The following PPP1R3G variants were observed in gnomAD, a reference collection of about 807,000 sequenced individuals.
PPP1R3G encodes the protein protein phosphatase 1 regulatory subunit 3G, also known as protein phosphatase 1, regulatory (inhibitor) subunit 3G.
A neutral mutation model predicts 2.0 loss-of-function variants in PPP1R3G; 3 were observed. The ratio of observed to expected loss-of-function variants is 1.47; its 90% CI spans 0.67 to 3.81. PPP1R3G has a LOEUF of 3.81. Among genes scored for constraint, PPP1R3G ranks in the 30% most tolerant of loss-of-function variants. The pLI is 0.02. For synonymous variants in PPP1R3G, 267 were observed against 250.9 expected (o/e 1.06, Z -0.61); for missense variants, 595 against 517.0 (o/e 1.15, Z -1.46).
At position 5,086,324 on chromosome 6, in the gene PPP1R3G, C is replaced by CA. The variant is rs1762018372; in HGVS notation, c.839_840insA (p.Ser281ValfsTer33). The CA allele has an allele frequency of 3.3e-6, 5 of 1,535,516 alleles. No homozygotes were observed. The highest frequency in any genetic ancestry group is 3.5e-6 in the Non-Finnish European group (4 of 1,146,714). Reference sequence around the variant, plus strand: ...CTGGAGCCACAGCAGCCAGAGGCACCGTCTGGGGCCTCCGAGCCAGGGTCC... The same window carrying CA: ...CTGGAGCCACAGCAGCCAGAGGCACCAGTCTGGGGCCTCCGAGCCAGGGTCC... On this transcript the variant is annotated frameshift_variant, in exon 1 of 1. Coordinates refer to ENST00000405617, the MANE Select transcript of PPP1R3G (RefSeq NM_001145115.3). LOFTEE classifies it low-confidence loss of function (END_TRUNC).
At position 5,085,641 on chromosome 6, in the gene PPP1R3G, T is replaced by C; in HGVS notation, c.156T>C (p.Ala52=). 6.5e-7 allele frequency: 1 copy of C among 1,548,704 alleles called. No homozygotes were observed. Among genetic ancestry groups the C allele is most frequent in the Admixed American group, 2.0e-5 (1 of 50,988 alleles). ...GGASETPSPD[A]QLGDRPLSPK... Reference sequence around the variant, plus strand: ...CTTCGGAGACCCCGAGTCCTGACGCTCAGCTAGGGGATAGGCCCCTGTCCC... The same window carrying C: ...CTTCGGAGACCCCGAGTCCTGACGCCCAGCTAGGGGATAGGCCCCTGTCCC... The change falls in exon 1 of 1, where the codon GCT becomes GCC. Residue 52 remains alanine, a synonymous_variant. Coordinates refer to ENST00000405617, the MANE Select transcript of PPP1R3G (RefSeq NM_001145115.3).
chr6:5,087,359 CCT>C lies in PPP1R3G; in HGVS notation c.*802_*803del, dbSNP rs1762066952. 6.6e-6 allele frequency: 1 copy of C among 152,272 alleles called. No homozygotes were observed. Among genetic ancestry groups the C allele is most frequent in the Admixed American group, 6.5e-5 (1 of 15,294 alleles). The allele number at this position is 152,272 out of a possible 1,614,324, so 9.4% of individuals were successfully genotyped here. On this transcript the variant is annotated 3_prime_UTR_variant, in exon 1 of 1. Transcript: ENST00000405617. ...TACAAATTCCTCCCCTTCGTTCCTT[CCT>C]CTCTACTGCGAAAGGGCCCAAACTT...
Position 5,085,855 on chromosome 6 carries a change from T to G in PPP1R3G, c.370T>G (p.Cys124Gly). 1 of 1,530,206 alleles carries G rather than the reference T, an allele frequency of 6.5e-7. No homozygotes were observed. Among genetic ancestry groups the G allele is most frequent in the Non-Finnish European group, 8.7e-7 (1 of 1,143,494 alleles). The allele number at this position is 1,530,206 out of a possible 1,614,324, so 94.8% of individuals were successfully genotyped here. ...AEDAQLGPGG[C>G]CAKCKKRVQF... ...GGACGCACAGCTCGGCCCGGGCGGCTGCTGCGCCAAGTGCAAGAAGCGGGT... is the reference window on the plus strand; with the variant it reads ...GGACGCACAGCTCGGCCCGGGCGGCGGCTGCGCCAAGTGCAAGAAGCGGGT... Residue 124 changes from cysteine to glycine, a missense_variant, in exon 1 of 1, where the codon TGC becomes GGC. Cys to Gly is a radical substitution (Grantham distance 159, BLOSUM62 -3). Transcript: ENST00000405617.
chr6:5,086,513 C>A lies in PPP1R3G; in HGVS notation c.1028C>A (p.Ala343Glu). The change falls in exon 1 of 1, where the codon GCG becomes GAG. Residue 343 changes from alanine (A) to glutamate (E), a missense_variant. Ala to Glu is a moderately radical substitution (Grantham distance 107, BLOSUM62 -1). Transcript: ENST00000405617. Reference protein sequence around the residue: ...CAQGEYWDNNAGANYTLRYAR... With the variant: ...CAQGEYWDNNEGANYTLRYAR... The stretch of plus-strand genomic sequence containing the variant: ...CAGGGCGAGTACTGGGACAACAACG[C>A]GGGCGCCAACTACACGCTGCGCTAC... 4 of 1,534,856 alleles carry A rather than the reference C, an allele frequency of 2.6e-6. No homozygotes were observed. The highest frequency in any genetic ancestry group is 3.5e-6 in the Non-Finnish European group (4 of 1,143,752).
Position 5,087,113 on chromosome 6 carries a change from C to G in PPP1R3G, c.*551C>G. The G allele has an allele frequency of 6.5e-6, 1 of 153,066 alleles. No homozygotes were observed. The highest frequency in any genetic ancestry group is 1.9e-4 in the East Asian group (1 of 5,182). 9.5% of individuals were successfully genotyped at this position (153,066 alleles called of 1,614,324 possible). On this transcript the variant is annotated 3_prime_UTR_variant, in exon 1 of 1. Coordinates refer to ENST00000405617, the MANE Select transcript of PPP1R3G (RefSeq NM_001145115.3). ...CCCTTCGGGGCTGGGCCAGGCCACC[C>G]TTTTCTTTTGACTGAGATGTGGGTA... is the stretch of plus-strand genomic sequence containing the variant.
At position 5,085,848 on chromosome 6, in the gene PPP1R3G, G is replaced by C. The variant is rs1172495549; in HGVS notation, c.363G>C (p.Pro121=). The stretch of plus-strand genomic sequence containing the variant: ...GGGCGGAGGACGCACAGCTCGGCCC[G>C]GGCGGCTGCTGCGCCAAGTGCAAGA... ...GEGAEDAQLG[P]GGCCAKCKKR... Residue 121 remains proline (P), a synonymous_variant, in exon 1 of 1, where the codon CCG becomes CCC. Transcript: ENST00000405617. The C allele has an allele frequency of 2.0e-5, 30 of 1,529,510 alleles. No homozygotes were observed. The highest frequency in any genetic ancestry group is 2.8e-5 in the African/African-American group (2 of 72,204). 94.7% of individuals were successfully genotyped at this position (1,529,510 alleles called of 1,614,324 possible).
In PPP1R3G at chr6:5,088,679, T is replaced by C. The variant is rs1364862389; in HGVS notation, c.*2117T>C. ...GAAGTAGTGTTTTTTAAACACAATA[T>C]GCTGACAATTATAGTTAATAAAGCA... On this transcript the variant is annotated 3_prime_UTR_variant, in exon 1 of 1. Transcript: ENST00000405617. The C allele has an allele frequency of 6.6e-6, 1 of 152,238 alleles. No individual in the cohort carries two copies. Among genetic ancestry groups the C allele is most frequent in the East Asian group, 1.9e-4 (1 of 5,200 alleles). 9.4% of individuals were successfully genotyped at this position (152,238 alleles called of 1,614,324 possible).
Position 5,086,379 on chromosome 6 carries a change from G to C in PPP1R3G, c.894G>C (p.Glu298Asp), listed in dbSNP as rs1252299612. Residue 298 changes from glutamate (E) to aspartate (D), a missense_variant, in exon 1 of 1, where the codon GAG becomes GAC. Physicochemically the swap from Glu to Asp is conservative, Grantham distance 45. Transcript: ENST00000405617. ...SGDAKKEPGAECFHFSLCLPP... is the reference protein window; with the variant it reads ...SGDAKKEPGADCFHFSLCLPP... ...ATGCCAAGAAAGAGCCAGGCGCCGA[G>C]TGCTTCCACTTCTCGCTGTGCCTGC... The C allele has an allele frequency of 6.5e-7, 1 of 1,536,044 alleles. No individual in the cohort carries two copies. The highest frequency in any genetic ancestry group is 8.7e-7 in the Non-Finnish European group (1 of 1,146,770).
At position 5,086,786 on chromosome 6, in the gene PPP1R3G, G is replaced by C; in HGVS notation, c.*224G>C. ...AATGCTCCGAAAGCCTCTGACCTCA[G>C]TCTTCTCGTCCGTTTGACCTTCCTA... On this transcript the variant is annotated 3_prime_UTR_variant, in exon 1 of 1. Transcript: ENST00000405617. The C allele has an allele frequency of 1.8e-6, 1 of 563,340 alleles. No homozygotes were observed. Among genetic ancestry groups the C allele is most frequent in the South Asian group, 2.4e-5 (1 of 41,830 alleles). The allele number at this position is 563,340 out of a possible 1,614,324, so 34.9% of individuals were successfully genotyped here. A position where few individuals can be genotyped will look rare whatever the true frequency, so the allele number is the denominator to read the frequency against.
Position 5,085,741 on chromosome 6 carries a change from TCC to T in PPP1R3G, c.257_258del (p.Ser86PhefsTer146), listed in dbSNP as rs1174489040. 1 of 1,541,100 alleles carries T rather than the reference TCC, an allele frequency of 6.5e-7. No homozygotes were observed. Among genetic ancestry groups the T allele is most frequent in the Non-Finnish European group, 8.7e-7 (1 of 1,143,914 alleles). ...CCGCCGCTGCCGCGCGCGCTCCTTT[TCC>T]TTGCCCGCCGACCCCATCTTGCAGG... ...CRRRCRARSF[S>X]LPADPILQAA... On this transcript the variant is annotated frameshift_variant, in exon 1 of 1. Coordinates refer to ENST00000405617, the MANE Select transcript of PPP1R3G (RefSeq NM_001145115.3). LOFTEE classifies it low-confidence loss of function (END_TRUNC).
At position 5,085,820 on chromosome 6, in the gene PPP1R3G, AG is replaced by A; in HGVS notation, c.340del (p.Ala114ArgfsTer27). 1 of 1,527,894 alleles carries A rather than the reference AG, an allele frequency of 6.5e-7. No individual in the cohort carries two copies. Among genetic ancestry groups the A allele is most frequent in the Non-Finnish European group, 8.8e-7 (1 of 1,141,362 alleles). The allele number at this position is 1,527,894 out of a possible 1,614,324, so 94.6% of individuals were successfully genotyped here. A position where few individuals can be genotyped will look rare whatever the true frequency, so the allele number is the denominator to read the frequency against. ...QQQQAVALGGEGAEDAQLGPG... is the reference protein window; with the variant it reads ...QQQQAVALGGXGAEDAQLGPG... ...CAACAGGCGGTGGCACTGGGCGGCG[AG>A]GGGGCGGAGGACGCACAGCTCGGCC... On this transcript the variant is annotated frameshift_variant, in exon 1 of 1. Transcript: ENST00000405617. LOFTEE classifies it low-confidence loss of function (END_TRUNC).
In PPP1R3G at chr6:5,085,867, T is replaced by C. The variant is rs771037942; in HGVS notation, c.382T>C (p.Cys128Arg). The C allele has an allele frequency of 2.6e-6, 4 of 1,530,924 alleles. No homozygotes were observed. Among genetic ancestry groups the C allele is most frequent in the Middle Eastern group, 2.0e-4 (1 of 4,956 alleles). 94.8% of individuals were successfully genotyped at this position (1,530,924 alleles called of 1,614,324 possible). A position where few individuals can be genotyped will look rare whatever the true frequency, so the allele number is the denominator to read the frequency against. The change falls in exon 1 of 1, where the codon TGC (cysteine) becomes CGC (arginine). Residue 128 changes from cysteine (C) to arginine (R), a missense_variant. Cys to Arg is a radical substitution (Grantham distance 180). Transcript: ENST00000405617. ...QLGPGGCCAKCKKRVQFADTL... is the reference protein window; with the variant it reads ...QLGPGGCCAKRKKRVQFADTL... ...CGGCCCGGGCGGCTGCTGCGCCAAGTGCAAGAAGCGGGTGCAGTTCGCGGA... is the reference window on the plus strand; with the variant it reads ...CGGCCCGGGCGGCTGCTGCGCCAAGCGCAAGAAGCGGGTGCAGTTCGCGGA...
At position 5,085,770 on chromosome 6, in the gene PPP1R3G, G is replaced by A. The variant is rs61752357; in HGVS notation, c.285G>A (p.Ala95=). Reference sequence around the variant, plus strand: ...TGCCCGCCGACCCCATCTTGCAGGCGGCCAAGTTCCTGCAGCAGCAGCAGC... The same window carrying A: ...TGCCCGCCGACCCCATCTTGCAGGCAGCCAAGTTCCTGCAGCAGCAGCAGC... ...FSLPADPILQ[A]AKFLQQQQQQ... is the part of the protein sequence containing the mutation. The change falls in exon 1 of 1, where the codon GCG becomes GCA. Residue 95 remains alanine, a synonymous_variant. Transcript: ENST00000405617. 2.1e-3 allele frequency: 3,253 copies of A among 1,534,734 alleles called. No homozygotes were observed. The highest frequency in any genetic ancestry group is 2.5e-3 in the Non-Finnish European group (2,905 of 1,141,172).
In PPP1R3G at chr6:5,086,762, A is replaced by G. The variant is rs182915490; in HGVS notation, c.*200A>G. The G allele has an allele frequency of 6.5e-5, 38 of 588,516 alleles. No homozygotes were observed. The East Asian group carries it at 8.6e-4, about 13-fold the overall frequency. 36.5% of individuals were successfully genotyped at this position (588,516 alleles called of 1,614,324 possible). A position where few individuals can be genotyped will look rare whatever the true frequency, so the allele number is the denominator to read the frequency against. On this transcript the variant is annotated 3_prime_UTR_variant, in exon 1 of 1. Transcript: ENST00000405617. ...TGAGCGAGCTTAGAGAGCCCGGGCA[A>G]TGCTCCGAAAGCCTCTGACCTCAGT...
chr6:5,085,765 C>T lies in PPP1R3G; in HGVS notation c.280C>T (p.Gln94Ter). The change falls in exon 1 of 1, where the codon CAG becomes TAG. Residue 94 changes from glutamine (Q) to a stop codon, truncating the protein, a stop_gained. Transcript: ENST00000405617. LOFTEE classifies it low-confidence loss of function (END_TRUNC). ...TTCCTTGCCCGCCGACCCCATCTTG[C>T]AGGCGGCCAAGTTCCTGCAGCAGCA... Reference protein sequence around the residue: ...SFSLPADPILQAAKFLQQQQQ... With the variant: ...SFSLPADPIL The T allele has an allele frequency of 6.5e-7, 1 of 1,536,320 alleles. No individual in the cohort carries two copies. Among genetic ancestry groups the T allele is most frequent in the Middle Eastern group, 2.0e-4 (1 of 5,084 alleles).
At position 5,085,427 on chromosome 6, in the gene PPP1R3G, T is replaced by TA; in HGVS notation, c.-58dup. 8.0e-7 allele frequency: 1 copy of TA among 1,250,600 alleles called. No individual in the cohort carries two copies. Among genetic ancestry groups the TA allele is most frequent in the South Asian group, 1.4e-5 (1 of 70,900 alleles). 77.5% of individuals were successfully genotyped at this position (1,250,600 alleles called of 1,614,324 possible). ...GCGCTCCTTCCACGGCCCGAGGAGT[T>TA]AGTTAAGTCTCCAGAGGGGCCCGGT... On this transcript the variant is annotated 5_prime_UTR_variant, in exon 1 of 1. Transcript: ENST00000405617.
At position 5,086,014 on chromosome 6, in the gene PPP1R3G, C is replaced by G; in HGVS notation, c.529C>G (p.Leu177Val). Residue 177 changes from leucine to valine, a missense_variant, in exon 1 of 1, where the codon CTC (leucine) becomes GTC (valine). Physicochemically the swap from Leu to Val is conservative, Grantham distance 32. Transcript: ENST00000405617. Reference sequence around the variant, plus strand: ...TATGCGTGCCGAGGACCTGGAGCAGCTCGGGGGGCTGCTGGCCGCGGCGGC... The same window carrying G: ...TATGCGTGCCGAGGACCTGGAGCAGGTCGGGGGGCTGCTGGCCGCGGCGGC... ...FPMRAEDLEQLGGLLAAAAVA... is the reference protein window; with the variant it reads ...FPMRAEDLEQVGGLLAAAAVA... 6.7e-7 allele frequency: 1 copy of G among 1,501,340 alleles called. No homozygotes were observed. The highest frequency in any genetic ancestry group is 8.8e-7 in the Non-Finnish European group (1 of 1,132,020). 93.0% of individuals were successfully genotyped at this position (1,501,340 alleles called of 1,614,324 possible). A position where few individuals can be genotyped will look rare whatever the true frequency, so the allele number is the denominator to read the frequency against.
At position 5,086,906 on chromosome 6, in the gene PPP1R3G, G is replaced by GC; in HGVS notation, c.*345dup. 2.9e-6 allele frequency: 1 copy of GC among 346,734 alleles called. No homozygotes were observed. The highest frequency in any genetic ancestry group is 5.2e-6 in the Non-Finnish European group (1 of 190,968). The allele number at this position is 346,734 out of a possible 1,614,324, so 21.5% of individuals were successfully genotyped here. ...CAAGAAAAAGGCTCCCAACTCCCGG[G>GC]CATGGTTCTAAGGCCTTGGGATTGG... On this transcript the variant is annotated 3_prime_UTR_variant, in exon 1 of 1. Coordinates refer to ENST00000405617, the MANE Select transcript of PPP1R3G (RefSeq NM_001145115.3).
Position 5,086,513 on chromosome 6 carries a change from C to G in PPP1R3G, c.1028C>G (p.Ala343Gly), listed in dbSNP as rs765534160. The change falls in exon 1 of 1, where the codon GCG (alanine) becomes GGG (glycine). Residue 343 changes from alanine (A) to glycine (G), a missense_variant. Coordinates refer to ENST00000405617, the MANE Select transcript of PPP1R3G (RefSeq NM_001145115.3). ...CAGGGCGAGTACTGGGACAACAACG[C>G]GGGCGCCAACTACACGCTGCGCTAC... ...CAQGEYWDNN[A>G]GANYTLRYAR... 1.1e-5 allele frequency: 17 copies of G among 1,534,738 alleles called. No homozygotes were observed. In the African/African-American group the frequency reaches 1.4e-4, roughly 12 times the overall value.
Sources: gnomAD v4.1 joint callset for allele counts on GRCh38, gnomAD v4.1.1 for gene constraint, MANE v1.5 for transcripts, NCBI Gene and HGNC (gene_info 2026-07-23, HGNC 2026-07-21) for gene names.